CRACD: variants seen among roughly 807,000 people sequenced by gnomAD.
The protein encoded by CRACD is capping protein inhibiting regulator of actin dynamics.
Under a neutral mutation model 106.8 loss-of-function variants are expected in CRACD, and 56 were observed. The ratio of observed to expected loss-of-function variants is 0.52; its 90% CI spans 0.42 to 0.66. The LOEUF (loss-of-function observed/expected upper bound fraction) is 0.66. CRACD is among the 30% of genes least tolerant of loss of function. The pLI, the probability that CRACD is intolerant of heterozygous loss-of-function variation, is 0.00. For synonymous variants in CRACD, 754 were observed against 670.8 expected (o/e 1.12, Z -1.92); for missense variants, 1,730 against 1,623.2 (o/e 1.07, Z -1.13).
chr4:56,185,189 C>T (rs1224256354), intron 2 of CRACD, among the ~76,000 whole-genome samples: 1 of 152,144 alleles, frequency 6.6e-6, no homozygotes, highest in Non-Finnish European at 1.5e-5. Flanking sequence ...GATCTCCTGA[C>T]CTCGTGATCT....
intron 1 of CRACD, among the ~76,000 whole-genome samples, chr4:56,070,847 C>CTGTGTGTGTGTGTGTG (rs60372588): frequency 0.073 from 8,743 of 120,302 alleles, 718 homozygotes; most frequent in Middle Eastern, 0.1. Flanking sequence ...AGGGGCTATG[C>CTGTGTGTGTGTGTGTG]TGTGTGTGTG....
intron 1 of CRACD, among the ~76,000 whole-genome samples, chr4:56,159,013 C>T (rs1251497801): frequency 6.6e-6 from 1 of 152,208 alleles, no homozygotes; most frequent in Non-Finnish European, 1.5e-5. Context: ...CCAGCTGTCC[C>T]ATGCCAGAGT....
intron 1 of CRACD, among the ~76,000 whole-genome samples, chr4:56,137,933 A>G (rs569668458): frequency 2.0e-5 from 3 of 152,350 alleles, no homozygotes; most frequent in South Asian, 2.1e-4. Flanking sequence ...AAGGGTAAGG[A>G]TAAGGAAGTG....
chr4:56,269,145 G>A (rs377592388), intron 2 of CRACD, among the ~76,000 whole-genome samples: 56 of 152,176 alleles, frequency 3.7e-4, no homozygotes, highest in African/African-American at 1.3e-3. Context: ...CACTTTGGGA[G>A]GCTGAAGTGG....
intron 3 of CRACD, among the ~76,000 whole-genome samples, chr4:56,297,088 T>TTTTTTG (rs988976333): frequency 1.3e-5 from 2 of 152,120 alleles, no homozygotes; most frequent in Non-Finnish European, 2.9e-5. Flanking sequence ...CCCGGCTAAT[T>TTTTTTG]TTTTTGTTTT....
chr4:56,324,202 A>G lies in CRACD; in HGVS notation c.3477A>G (p.Ala1159=), dbSNP rs1215445507. The G allele has an allele frequency of 1.2e-6, 2 of 1,614,104 alleles. No homozygotes were observed. The highest frequency in any genetic ancestry group is 2.7e-5 in the African/African-American group (2 of 74,958). Residue 1159 remains alanine, a synonymous_variant, in exon 10 of 11, where the codon GCA becomes GCG. Coordinates refer to ENST00000682029, the MANE Select transcript of CRACD (RefSeq NM_001393381.1). ...ALPEEKRPET[A]VSRLERREQL... The stretch of plus-strand genomic sequence containing the variant: ...CAGAAGAGAAGAGGCCCGAGACTGC[A>G]GTGTCCAGGCTTGAGCGCAGAGAAC...
At position 56,073,067 on chromosome 4, in the gene CRACD, C is replaced by T. The variant is rs1340145088; in HGVS notation, c.-336+23768C>T. On this transcript the variant is annotated intron_variant, in intron 1 of 10. Transcript: ENST00000682029. ...TGTGAATAGTGCTGTAATAAACATACGTTTGCCTGTGTCTTTATAGTAGAA... is the reference window on the plus strand; with the variant it reads ...TGTGAATAGTGCTGTAATAAACATATGTTTGCCTGTGTCTTTATAGTAGAA... Among the ~76,000 whole-genome samples, 7 of 152,048 alleles carry T rather than the reference C, an allele frequency of 4.6e-5. No individual in the cohort carries two copies. In the South Asian group the frequency reaches 8.3e-4, roughly 18 times the overall value.
At chr4:56,201,897 A>G (rs1244158614) in intron 2 of CRACD, among the ~76,000 whole-genome samples, 1 of 152,228 alleles carries the variant, frequency 6.6e-6, no homozygotes, top group Non-Finnish European at 1.5e-5. Context: ...AAGAGCATAT[A>G]TTAAAACACA....
At chr4:56,247,581 C>T (rs779507127) in intron 2 of CRACD, among the ~76,000 whole-genome samples, 2 of 152,144 alleles carry the variant, frequency 1.3e-5, no homozygotes, top group Non-Finnish European at 2.9e-5. Flanking sequence ...CACGGTGGCT[C>T]ATGCCTGTAA....
At chr4:56,077,719 T>C (rs572983559) in intron 1 of CRACD, among the ~76,000 whole-genome samples, 1 of 152,344 alleles carries the variant, frequency 6.6e-6, no homozygotes, top group South Asian at 2.1e-4. Flanking sequence ...GCAGCTCATA[T>C]GTCAGGCCTT....
intron 3 of CRACD, among the ~76,000 whole-genome samples, chr4:56,293,062 C>A (rs1420370851): frequency 6.6e-6 from 1 of 152,080 alleles, no homozygotes; most frequent in East Asian, 1.9e-4. Flanking sequence ...AATTTGAGAT[C>A]TAAAATATAC....
At chr4:56,261,551 T>C (rs1165339524) in intron 2 of CRACD, among the ~76,000 whole-genome samples, 3 of 152,018 alleles carry the variant, frequency 2.0e-5, no homozygotes, top group African/African-American at 7.2e-5. Flanking sequence ...GGTTTTACTA[T>C]GTTGGCCAGG....
intron 2 of CRACD, among the ~76,000 whole-genome samples, chr4:56,181,058 T>C (rs1344905914): frequency 6.6e-6 from 1 of 152,250 alleles, no homozygotes; most frequent in Admixed American, 6.5e-5. Flanking sequence ...TTGATGTTTG[T>C]TCACATCAGT....
At chr4:56,064,905 G>T (rs906158550) in intron 1 of CRACD, among the ~76,000 whole-genome samples, 3 of 152,042 alleles carry the variant, frequency 2.0e-5, no homozygotes, top group African/African-American at 7.2e-5. Context: ...GACATGGACG[G>T]GTCCCAAATG....
chr4:56,201,325 A>T (rs1307655078), intron 2 of CRACD, among the ~76,000 whole-genome samples: 1 of 152,196 alleles, frequency 6.6e-6, no homozygotes, highest in Non-Finnish European at 1.5e-5. Flanking sequence ...GCACTGTTAA[A>T]GCTTTAGACT....
chr4:56,218,102 T>C (rs1738809119), intron 2 of CRACD, among the ~76,000 whole-genome samples: 1 of 152,124 alleles, frequency 6.6e-6, no homozygotes, highest in Non-Finnish European at 1.5e-5. Flanking sequence ...TCAGCCTTAT[T>C]GGATTAGGGC....
At chr4:56,182,395 G>T (rs1736866456) in intron 2 of CRACD, among the ~76,000 whole-genome samples, 1 of 150,298 alleles carries the variant, frequency 6.7e-6, no homozygotes, top group Non-Finnish European at 1.5e-5. Context: ...AACAAAAAAA[G>T]CAGAACAACA....
At chr4:56,261,175 C>T (rs899358006) in intron 2 of CRACD, among the ~76,000 whole-genome samples, 4 of 152,172 alleles carry the variant, frequency 2.6e-5, no homozygotes, top group African/African-American at 7.2e-5. Context: ...GGCAGCTCCC[C>T]TGCCAGTATT....
intron 1 of CRACD, among the ~76,000 whole-genome samples, chr4:56,093,554 C>G (rs2109823092): frequency 6.6e-6 from 1 of 152,288 alleles, no homozygotes. Flanking sequence ...ACCCAGCTAC[C>G]TTCCCTTCTT....
Sources: allele counts gnomAD v4.1 joint callset (sites outside exome capture counted in the v4.1 genomes callset), GRCh38; gene constraint gnomAD v4.1.1; transcripts MANE v1.5; gene names NCBI Gene and HGNC (gene_info 2026-07-23, HGNC 2026-07-21).